SHC3: variants seen among roughly 807,000 people sequenced by gnomAD.
SHC3 encodes SHC-transforming protein 3.
Under a neutral mutation model 60.4 loss-of-function variants are expected in SHC3, and 15 were observed. That is an observed-to-expected ratio of 0.25 (90% CI 0.17 to 0.38). SHC3 has a LOEUF of 0.38. SHC3 is among the 10% of genes least tolerant of loss of function. SHC3 has a pLI of 1.00. For synonymous variants in SHC3, 294 were observed against 325.9 expected (o/e 0.90, Z 1.05); for missense variants, 677 against 786.1 (o/e 0.86, Z 1.66).
At chr9:89,086,564 C>T (rs1425885828) in intron 2 of SHC3, among the ~76,000 whole-genome samples, 2 of 152,184 alleles carry the variant, frequency 1.3e-5, no homozygotes, top group Admixed American at 1.3e-4. Flanking sequence ...CTCACTGAAC[C>T]CAGTCTTGCT....
intron 2 of SHC3, among the ~76,000 whole-genome samples, chr9:89,081,832 G>C (rs1188599275): frequency 6.6e-6 from 1 of 152,038 alleles, no homozygotes; most frequent in African/African-American, 2.4e-5. Flanking sequence ...CCCTCCCTAA[G>C]GCCTGCCTAG....
chr9:89,116,214 T>A (rs982048285), intron 1 of SHC3, among the ~76,000 whole-genome samples: 1 of 152,214 alleles, frequency 6.6e-6, no homozygotes, highest in Admixed American at 6.5e-5. Flanking sequence ...GAGAATTACA[T>A]AAACATCACC....
intron 1 of SHC3, among the ~76,000 whole-genome samples, chr9:89,134,224 A>G (rs1045670822): frequency 9.9e-5 from 15 of 152,124 alleles, no homozygotes; most frequent in African/African-American, 3.4e-4. Context: ...AAGGCCTGGG[A>G]ATGTGGATTT....
At chr9:89,109,052 C>T (rs1825907325) in intron 2 of SHC3, 1 of 985,404 alleles carries the variant, frequency 1.0e-6, no homozygotes, top group South Asian at 4.7e-5. Context: ...CCTTACCTGC[C>T]CTTCTTCCTC....
intron 2 of SHC3, chr9:89,108,926 T>C: frequency 2.2e-6 from 1 of 451,152 alleles, no homozygotes; most frequent in Non-Finnish European, 2.9e-6. Context: ...ACAAAAAATA[T>C]TCAGATCCCA....
intron 1 of SHC3, among the ~76,000 whole-genome samples, chr9:89,168,490 T>C (rs1438755744): frequency 6.6e-6 from 1 of 152,188 alleles, no homozygotes; most frequent in Non-Finnish European, 1.5e-5. Context: ...CTCTATTTGA[T>C]GCCCACAGGA....
At chr9:89,139,159 G>GT (rs1826358585) in intron 1 of SHC3, among the ~76,000 whole-genome samples, 2 of 152,128 alleles carry the variant, frequency 1.3e-5, no homozygotes, top group Admixed American at 6.6e-5. Context: ...TTATCCAGAT[G>GT]TTTTTTACAT....
intron 11 of SHC3, among the ~76,000 whole-genome samples, chr9:89,015,049 T>C (rs1826071967): frequency 6.6e-6 from 1 of 152,218 alleles, no homozygotes; most frequent in African/African-American, 2.4e-5. Flanking sequence ...TCACTAAGGA[T>C]GTAACCTGTT....
intron 1 of SHC3, among the ~76,000 whole-genome samples, chr9:89,158,267 AT>A (rs1826654693): frequency 6.6e-6 from 1 of 151,774 alleles, no homozygotes; most frequent in Non-Finnish European, 1.5e-5. Flanking sequence ...CTCATTAAGT[AT>A]TTGCAGCCAT....
intron 2 of SHC3, among the ~76,000 whole-genome samples, chr9:89,102,786 C>T (rs1351610564): frequency 6.6e-6 from 1 of 152,168 alleles, no homozygotes; most frequent in African/African-American, 2.4e-5. Context: ...CTTAAAGTTG[C>T]AGTTTCCAAA....
At chr9:89,141,050 A>C (rs1247050032) in intron 1 of SHC3, among the ~76,000 whole-genome samples, 3 of 152,238 alleles carry the variant, frequency 2.0e-5, no homozygotes, top group African/African-American at 7.2e-5. Flanking sequence ...CCAAACAGCC[A>C]ATATTTCTGG....
chr9:89,149,205 C>T (rs1826511101), intron 1 of SHC3, among the ~76,000 whole-genome samples: 1 of 152,158 alleles, frequency 6.6e-6, no homozygotes, highest in African/African-American at 2.4e-5. Context: ...ATTCGCTTTT[C>T]CTAAAATTTG....
chr9:89,119,719 T>C (rs989509740), intron 1 of SHC3, among the ~76,000 whole-genome samples: 5 of 152,210 alleles, frequency 3.3e-5, no homozygotes, highest in Non-Finnish European at 7.3e-5. Context: ...ATCTACAATT[T>C]GACTGTGATG....
intron 1 of SHC3, among the ~76,000 whole-genome samples, chr9:89,122,508 A>G (rs1027949099): frequency 1.3e-5 from 2 of 152,260 alleles, no homozygotes; most frequent in African/African-American, 4.8e-5. Flanking sequence ...AAGGCTTGAC[A>G]ACACCTATTT....
At chr9:89,159,970 G>A (rs149159046) in intron 1 of SHC3, among the ~76,000 whole-genome samples, 47 of 152,234 alleles carry the variant, frequency 3.1e-4, no homozygotes, top group African/African-American at 8.7e-4. Context: ...AGTATTAACC[G>A]TCACAGAGGT....
At chr9:89,127,667 T>C (rs73498192) in intron 1 of SHC3, among the ~76,000 whole-genome samples, 4,496 of 152,094 alleles carry the variant, frequency 0.03, 206 homozygotes, top group African/African-American at 0.1. Flanking sequence ...GTAGGAAGTA[T>C]ACTTTGAGGG....
chr9:89,153,146 T>TA (rs1448763504), intron 1 of SHC3, among the ~76,000 whole-genome samples: 1 of 152,202 alleles, frequency 6.6e-6, no homozygotes, highest in African/African-American at 2.4e-5. Flanking sequence ...AAAAAAGAAT[T>TA]AAAAAATCAT....
chr9:89,135,267 G>A (rs1013103900), intron 1 of SHC3, among the ~76,000 whole-genome samples: 2 of 152,100 alleles, frequency 1.3e-5, no homozygotes, highest in Non-Finnish European at 1.5e-5. Flanking sequence ...AGCAGTCCCT[G>A]TGCAGGGTTC....
intron 1 of SHC3, among the ~76,000 whole-genome samples, chr9:89,118,419 T>C (rs944156890): frequency 9.9e-5 from 15 of 151,922 alleles, no homozygotes; most frequent in African/African-American, 3.6e-4. Context: ...ATCTGCCTCA[T>C]AGGAATTCCA....
Sources: allele counts gnomAD v4.1 joint callset (sites outside exome capture counted in the v4.1 genomes callset), GRCh38; gene constraint gnomAD v4.1.1; transcripts MANE v1.5; gene names NCBI Gene and HGNC (gene_info 2026-07-23, HGNC 2026-07-21).